The following MMD2 variants were observed in gnomAD, a reference collection of about 807,000 sequenced individuals.
MMD2 encodes the protein monocyte to macrophage differentiation factor 2.
Under a neutral mutation model 33.5 loss-of-function variants are expected in MMD2, and 30 were observed. That is an observed-to-expected ratio of 0.90 (90% CI 0.67 to 1.22). MMD2 has a LOEUF of 1.22. MMD2 is among the 50% of genes most tolerant of loss of function. MMD2 has a pLI of 0.00. For synonymous variants in MMD2, 129 were observed against 123.0 expected (o/e 1.05, Z -0.32); for missense variants, 364 against 325.4 (o/e 1.12, Z -0.91).
chr7:4,907,231 T>C lies in MMD2; in HGVS notation c.*165A>G, dbSNP rs1279659902. ...AATGGCTAAATGCTTTCTTTCTCGC[T>C]GGGGACTCGAGGGATGATCTGGCTG... On this transcript the variant is annotated 3_prime_UTR_variant, in exon 7 of 7. Transcript: ENST00000401401. The C allele has an allele frequency of 1.6e-6, 1 of 638,212 alleles. No individual in the cohort carries two copies. Among genetic ancestry groups the C allele is most frequent in the Non-Finnish European group, 2.8e-6 (1 of 358,882 alleles). 39.5% of individuals were successfully genotyped at this position (638,212 alleles called of 1,614,324 possible).
At chr7:4,918,974 C>T (rs1172935921) in intron 3 of MMD2, among the ~76,000 whole-genome samples, 1 of 151,860 alleles carries the variant, frequency 6.6e-6, no homozygotes, top group East Asian at 1.9e-4. Context: ...TGGTGCATGC[C>T]TGTAGTCCCA....
rs183925969 is a variant in MMD2 at position 4,949,798 on chromosome 7, G to T, written c.47+9173C>A. Among the ~76,000 whole-genome samples, 360 of 152,114 alleles carry T rather than the reference G, an allele frequency of 2.4e-3. 1 individual carries two copies. The highest frequency in any genetic ancestry group is 8.4e-3 in the African/African-American group (348 of 41,520). On this transcript the variant is annotated intron_variant, in intron 1 of 6. Coordinates refer to ENST00000401401, the MANE Select transcript of MMD2 (RefSeq NM_198403.4). ...ATTACAGGCATGAGCCACTGTGCCC[G>T]GCCAGAATATCAGTCTTTTTATGCC...
intron 2 of MMD2, 27 bp downstream of exon 2, chr7:4,925,424 C>T (rs1345992233): frequency 6.6e-7 from 1 of 1,511,396 alleles, no homozygotes; most frequent in Non-Finnish European, 8.9e-7. Context: ...CCCATCTCAG[C>T]CCTGAGCCCC....
chr7:4,920,095 T>C (rs534168817), intron 3 of MMD2, 76 bp downstream of exon 3: 446 of 1,471,102 alleles, frequency 3.0e-4, no homozygotes, highest in Non-Finnish European at 2.8e-4. Flanking sequence ...GATATCCTGG[T>C]TCACCCCCCG....
rs1040036820 is a variant in MMD2, at chr7:4,959,042, C to T, written c.-25G>A. On this transcript the variant is annotated 5_prime_UTR_variant, in exon 1 of 7. Coordinates refer to ENST00000401401, the MANE Select transcript of MMD2 (RefSeq NM_198403.4). ...TCGCGGCGCTTCCATGGGAATCTGG[C>T]CCCGGGCTCAGAGCGCGGGTAGCTG... 5.6e-6 allele frequency: 7 copies of T among 1,254,272 alleles called. No individual in the cohort carries two copies. Among genetic ancestry groups the T allele is most frequent in the East Asian group, 6.3e-5 (2 of 31,502 alleles). The allele number at this position is 1,254,272 out of a possible 1,614,324, so 77.7% of individuals were successfully genotyped here.
intron 1 of MMD2, among the ~76,000 whole-genome samples, chr7:4,957,904 T>A (rs939765473): frequency 3.9e-5 from 6 of 152,188 alleles, no homozygotes; most frequent in African/African-American, 1.4e-4. Flanking sequence ...CTTGTCAAGC[T>A]GTGCTCAATA....
intron 1 of MMD2, among the ~76,000 whole-genome samples, chr7:4,947,966 G>A: frequency 6.6e-6 from 1 of 152,000 alleles, no homozygotes; most frequent in East Asian, 1.9e-4. Context: ...CCAAAGTGCT[G>A]GGATTACAGG....
chr7:4,925,404 C>T (rs778239179), intron 2 of MMD2, 47 bp downstream of exon 2: 26 of 1,432,498 alleles, frequency 1.8e-5, no homozygotes, highest in Non-Finnish European at 2.4e-5. Context: ...CCCCCTTCCC[C>T]GGAAGTGTCC....
rs1013061137 is a variant in MMD2 at position 4,908,147 on chromosome 7, G to T, written c.538-548C>A. 1.0e-3 allele frequency among the ~76,000 whole-genome samples: 138 copies of T among 137,644 alleles called. 1 individual carries two copies. The highest frequency in any genetic ancestry group is 1.4e-3 in the South Asian group (6 of 4,224). 90.3% of individuals were successfully genotyped at this position (137,644 alleles called of 152,430 possible). Reference sequence around the variant, plus strand: ...TTTATAACTTATCTTATCTGGTTTTGTTTTTTTTTTTTTTGAGACACAGTT... The same window carrying T: ...TTTATAACTTATCTTATCTGGTTTTTTTTTTTTTTTTTTTGAGACACAGTT... On this transcript the variant is annotated intron_variant, in intron 6 of 6. Coordinates refer to ENST00000401401, the MANE Select transcript of MMD2 (RefSeq NM_198403.4).
intron 2 of MMD2, 71 bp from the exon 3 acceptor site, chr7:4,920,402 C>A: frequency 2.0e-6 from 3 of 1,513,432 alleles, no homozygotes; most frequent in African/African-American, 1.4e-5. Context: ...TGCCCCTTCC[C>A]CGGCTGAGCT....
chr7:4,932,698 C>T (rs1337144714), intron 1 of MMD2, among the ~76,000 whole-genome samples: 2 of 150,790 alleles, frequency 1.3e-5, no homozygotes, highest in African/African-American at 2.5e-5. Context: ...TCTCAGCTCA[C>T]TGCAGCTTCC....
intron 1 of MMD2, among the ~76,000 whole-genome samples, chr7:4,948,335 T>G (rs977667411): frequency 2.0e-5 from 3 of 152,096 alleles, no homozygotes; most frequent in Non-Finnish European, 2.9e-5. Flanking sequence ...GAGACCAGCC[T>G]TGGGGGGGAT....
At chr7:4,903,875 C>T (rs534799703), downstream of MMD2, among the ~76,000 whole-genome samples, 6 of 152,298 alleles carry the variant, frequency 3.9e-5, no homozygotes, top group Admixed American at 2.6e-4. Flanking sequence ...GGGAACCTCA[C>T]GGCCCCAGGG....
chr7:4,908,441 C>CTA (rs1784920653), intron 6 of MMD2, among the ~76,000 whole-genome samples: 1 of 151,970 alleles, frequency 6.6e-6, no homozygotes, highest in Non-Finnish European at 1.5e-5. Flanking sequence ...TGCGCCTGGC[C>CTA]TATAGCTTAT....
intron 1 of MMD2, among the ~76,000 whole-genome samples, chr7:4,936,829 G>A (rs942892356): frequency 6.6e-6 from 1 of 151,946 alleles, no homozygotes. Context: ...CCGCCTCCCG[G>A]GTTCAAGCAA....
chr7:4,904,309 C>A (rs376998757), downstream of MMD2, among the ~76,000 whole-genome samples: 4 of 152,158 alleles, frequency 2.6e-5, no homozygotes, highest in African/African-American at 9.7e-5. Context: ...GAGAGAATGG[C>A]CTAGGAAACT....
chr7:4,910,139 T>G, intron 5 of MMD2, 189 bp from the exon 6 acceptor site: 2 of 1,332,662 alleles, frequency 1.5e-6, no homozygotes, highest in Non-Finnish European at 2.1e-6. Flanking sequence ...GGCAGTTATG[T>G]GACCCTGGGC....
At chr7:4,903,897 GA>G (rs1207975546), downstream of MMD2, among the ~76,000 whole-genome samples, 7 of 152,114 alleles carry the variant, frequency 4.6e-5, no homozygotes, top group African/African-American at 1.4e-4. Flanking sequence ...TGGAAAGGAA[GA>G]GAGTGTTGCT....
At chr7:4,916,125 GAA>G in intron 3 of MMD2, 46 bp from the exon 4 acceptor site, 1 of 1,585,258 alleles carries the variant, frequency 6.3e-7, no homozygotes, top group Non-Finnish European at 8.7e-7. Flanking sequence ...GCACAGCAGG[GAA>G]GGGCCAGTGC....
Sources: allele counts gnomAD v4.1 joint callset (sites outside exome capture counted in the v4.1 genomes callset), GRCh38; gene constraint gnomAD v4.1.1; transcripts MANE v1.5; gene names NCBI Gene and HGNC (gene_info 2026-07-23, HGNC 2026-07-21).